BRINP3: variants seen among roughly 807,000 people sequenced by gnomAD.
The protein encoded by BRINP3 is BMP/retinoic acid inducible neural specific 3.
BRINP3 carries 19 observed loss-of-function variants against 71.0 expected under a neutral mutation model. The ratio of observed to expected loss-of-function variants is 0.27; its 90% CI spans 0.19 to 0.39. BRINP3 has a LOEUF of 0.39. Ranked by LOEUF, BRINP3 falls within the 10% of genes least tolerant of loss-of-function variation. The pLI, the probability that BRINP3 is intolerant of heterozygous loss-of-function variation, is 1.00. For missense variants in BRINP3, 959 were observed against 940.8 expected, an observed-to-expected ratio of 1.02 and a Z score of -0.25; for synonymous variants, 380 against 337.7, an observed-to-expected ratio of 1.13 and a Z score of -1.37.
chr1:190,124,653 T>C (rs758378132), intron 7 of BRINP3, among the ~76,000 whole-genome samples: 2 of 152,084 alleles, frequency 1.3e-5, no homozygotes, highest in South Asian at 2.1e-4. Context: ...ATTTAATAAA[T>C]AGTTTTGAAC....
At chr1:190,131,023 A>G (rs951976413) in intron 7 of BRINP3, among the ~76,000 whole-genome samples, 2 of 151,784 alleles carry the variant, frequency 1.3e-5, no homozygotes, top group African/African-American at 4.8e-5. Context: ...GCAAATCCAT[A>G]TTGTGTTCAT....
At chr1:190,141,217 C>T (rs1655403647) in intron 7 of BRINP3, among the ~76,000 whole-genome samples, 1 of 151,878 alleles carries the variant, frequency 6.6e-6, no homozygotes, top group Non-Finnish European at 1.5e-5. Context: ...ATTTGTATCT[C>T]TTGTGGAAAT....
In BRINP3 at chr1:190,405,494, C is replaced by CAAAAAAAAAA. The variant is rs1672222997; in HGVS notation, c.236+49160_236+49161insTTTTTTTTTT. On this transcript the variant is annotated intron_variant, in intron 2 of 7. Transcript: ENST00000367462. ...AAAAAAAAAAAAAAAAAAAAAAAAC[C>CAAAAAAAAAA]AGAATCAGAAGCGTGACATATCATT... Among the ~76,000 whole-genome samples the CAAAAAAAAAA allele has an allele frequency of 1.7e-4, 3 of 17,236 alleles. 1 individual carries two copies. Among genetic ancestry groups the CAAAAAAAAAA allele is most frequent in the African/African-American group, 2.5e-4 (1 of 3,970 alleles). 11.3% of individuals were successfully genotyped at this position (17,236 alleles called of 152,430 possible). A position where few individuals can be genotyped will look rare whatever the true frequency, so the allele number is the denominator to read the frequency against.
At chr1:190,370,964 C>A (rs1571883306) in intron 2 of BRINP3, among the ~76,000 whole-genome samples, 1 of 152,096 alleles carries the variant, frequency 6.6e-6, no homozygotes, top group African/African-American at 2.4e-5. Context: ...ACCTGTTGGT[C>A]ATCTGGTTGT....
chr1:190,208,546 G>A (rs1306250070), intron 6 of BRINP3, among the ~76,000 whole-genome samples: 1 of 151,920 alleles, frequency 6.6e-6, no homozygotes, highest in Non-Finnish European at 1.5e-5. Flanking sequence ...AGGTTGAAGT[G>A]CTGTGGCAAA....
At chr1:190,284,987 G>A (rs1462479374) in intron 2 of BRINP3, among the ~76,000 whole-genome samples, 1 of 151,964 alleles carries the variant, frequency 6.6e-6, no homozygotes, top group Non-Finnish European at 1.5e-5. Flanking sequence ...ACACCATTTT[G>A]TATATCCAAC....
At chr1:190,394,578 T>C (rs938710754) in intron 2 of BRINP3, among the ~76,000 whole-genome samples, 1 of 151,538 alleles carries the variant, frequency 6.6e-6, no homozygotes, top group Non-Finnish European at 1.5e-5. Context: ...GATAAGACCC[T>C]TAAAATATCA....
At chr1:190,393,624 C>G (rs1653041217) in intron 2 of BRINP3, among the ~76,000 whole-genome samples, 1 of 151,536 alleles carries the variant, frequency 6.6e-6, no homozygotes. Context: ...ACATTCCATA[C>G]TCATTTTTAA....
chr1:190,143,348 G>GA (rs1655617824), intron 7 of BRINP3, among the ~76,000 whole-genome samples: 1 of 152,140 alleles, frequency 6.6e-6, no homozygotes, highest in Non-Finnish European at 1.5e-5. Context: ...AACAGATGCA[G>GA]AAAATGTAAT....
chr1:190,334,116 TA>T (rs936512855), intron 2 of BRINP3, among the ~76,000 whole-genome samples: 86 of 151,952 alleles, frequency 5.7e-4, no homozygotes, highest in African/African-American at 2.0e-3. Context: ...GTTTAAATAA[TA>T]AAAAAGTTAA....
chr1:190,395,742 A>C (rs1558248206), intron 2 of BRINP3, among the ~76,000 whole-genome samples: 1 of 151,696 alleles, frequency 6.6e-6, no homozygotes, highest in Non-Finnish European at 1.5e-5. Context: ...TCTCCAAATA[A>C]TTTTGTTATC....
At chr1:190,296,528 C>A (rs898331944) in intron 2 of BRINP3, among the ~76,000 whole-genome samples, 1 of 152,094 alleles carries the variant, frequency 6.6e-6, no homozygotes, top group Non-Finnish European at 1.5e-5. Flanking sequence ...GCTGCCCACA[C>A]TCACCATTTC....
At chr1:190,406,280 T>C (rs534736195) in intron 2 of BRINP3, among the ~76,000 whole-genome samples, 12 of 152,314 alleles carry the variant, frequency 7.9e-5, no homozygotes, top group Non-Finnish European at 1.6e-4. Context: ...CTTTCAGTCA[T>C]CTCACTGAGA....
chr1:190,344,463 T>C (rs1667881278), intron 2 of BRINP3, among the ~76,000 whole-genome samples: 1 of 122,848 alleles, frequency 8.1e-6, no homozygotes. Context: ...AACTTTTCAG[T>C]GCAAACATAA....
chr1:190,441,722 A>G (rs1674834824), intron 2 of BRINP3, among the ~76,000 whole-genome samples: 1 of 152,100 alleles, frequency 6.6e-6, no homozygotes, highest in South Asian at 2.1e-4. Context: ...TATTATTTTT[A>G]ATGAGATATG....
intron 7 of BRINP3, among the ~76,000 whole-genome samples, chr1:190,108,907 C>T (rs1652428608): frequency 6.6e-6 from 1 of 151,912 alleles, no homozygotes; most frequent in Admixed American, 6.6e-5. Flanking sequence ...CACAGCAATA[C>T]AAATGAGAGC....
chr1:190,257,810 G>T (rs1660803402), intron 4 of BRINP3, among the ~76,000 whole-genome samples: 1 of 152,168 alleles, frequency 6.6e-6, no homozygotes, highest in Non-Finnish European at 1.5e-5. Flanking sequence ...ACCAGTGGAG[G>T]CTGCAGAGCA....
At chr1:190,226,407 ATAAT>A (rs1459464212) in intron 5 of BRINP3, 89 bp from the exon 6 acceptor site, 14 of 682,834 alleles carry the variant, frequency 2.1e-5, no homozygotes, top group Non-Finnish European at 3.2e-5. Context: ...AAAACAGTAA[ATAAT>A]TTAGTGTATT....
At chr1:190,292,961 T>TC (rs1663980483) in intron 2 of BRINP3, among the ~76,000 whole-genome samples, 2 of 152,026 alleles carry the variant, frequency 1.3e-5, no homozygotes, top group South Asian at 4.1e-4. Flanking sequence ...AAATGTTTGT[T>TC]CATCTTTTTA....
Sources: gnomAD v4.1 joint callset for allele counts (sites outside exome capture counted in the v4.1 genomes callset) on GRCh38, gnomAD v4.1.1 for gene constraint, MANE v1.5 for transcripts, NCBI Gene and HGNC (gene_info 2026-07-23, HGNC 2026-07-21) for gene names.